Variants in SND1 observed in about 807,000 individuals in gnomAD.
SND1 encodes staphylococcal nuclease domain-containing protein 1.
SND1 carries 38 observed loss-of-function variants against 121.7 expected under a neutral mutation model. The ratio of observed to expected loss-of-function variants is 0.31; its 90% confidence interval spans 0.24 to 0.41. The LOEUF is 0.41. Ranked by LOEUF, SND1 falls within the 10% of genes least tolerant of loss-of-function variation. The pLI is 1.00. For missense variants in SND1, 868 were observed against 1,184.6 expected (o/e 0.73, Z 3.92); for synonymous variants, 401 against 447.4 (o/e 0.90, Z 1.31).
intron 16 of SND1, among the ~76,000 whole-genome samples, chr7:128,032,911 G>A (rs907055494): frequency 2.0e-5 from 3 of 152,234 alleles, no homozygotes; most frequent in African/African-American, 7.2e-5. Flanking sequence ...GATGAGCTGG[G>A]GAATGGCAAC....
In SND1 at chr7:127,730,052, C is replaced by T. The variant is rs147283223; in HGVS notation, c.1152+8652C>T. Among the ~76,000 whole-genome samples, 8 of 151,872 alleles carry T rather than the reference C, an allele frequency of 5.3e-5. No individual in the cohort carries two copies. In the South Asian group the frequency reaches 1.5e-3, roughly 28 times the overall value. ...GATCTCGGGTCACCACAGCCTCTGC[C>T]TCTGCCTCTGCCTTCAAGCGATTCT... On this transcript the variant is annotated intron_variant, in intron 10 of 23. Coordinates refer to ENST00000354725, the MANE Select transcript of SND1 (RefSeq NM_014390.4).
intron 16 of SND1, among the ~76,000 whole-genome samples, chr7:128,038,635 A>G (rs541858852): frequency 6.6e-6 from 1 of 151,276 alleles, no homozygotes; most frequent in African/African-American, 2.4e-5. Flanking sequence ...TCAATTCTTC[A>G]TTTAAGGTAT....
chr7:127,962,793 G>A (rs1563072193), intron 15 of SND1, among the ~76,000 whole-genome samples: 5 of 152,192 alleles, frequency 3.3e-5, no homozygotes, highest in Admixed American at 2.0e-4. Context: ...GTTACAGACT[G>A]TGTGAGTGGC....
intron 16 of SND1, among the ~76,000 whole-genome samples, chr7:128,039,992 G>A (rs1235776030): frequency 2.0e-5 from 3 of 152,146 alleles, no homozygotes; most frequent in Non-Finnish European, 4.4e-5. Flanking sequence ...GGCAAGGAGA[G>A]GAGCCCAGAG....
At chr7:127,990,349 T>G (rs1240223183) in intron 15 of SND1, among the ~76,000 whole-genome samples, 1 of 152,208 alleles carries the variant, frequency 6.6e-6, no homozygotes, top group African/African-American at 2.4e-5. Flanking sequence ...ATCAGTATTC[T>G]GAGGTGTTTT....
rs551736651 is a variant in SND1 at position 127,682,190 on chromosome 7, G to A, written c.79-4423G>A. Among the ~76,000 whole-genome samples, 3 of 152,296 alleles carry A rather than the reference G, an allele frequency of 2.0e-5. No individual in the cohort carries two copies. In the South Asian group the frequency reaches 6.2e-4, roughly 32 times the overall value. ...AGTGAAGATTTAATGTGGTGTTCCT[G>A]TTGCTGGGCAACATTTTAGTGGCTG... On this transcript the variant is annotated intron_variant, in intron 1 of 23. Coordinates refer to ENST00000354725, the MANE Select transcript of SND1 (RefSeq NM_014390.4).
Position 127,810,095 on chromosome 7 carries a change from TTTCAGTTATGATATA to T in SND1, c.1242+2526_1242+2540del, listed in dbSNP as rs559574018. Among the ~76,000 whole-genome samples the T allele has an allele frequency of 2.0e-3, 298 of 152,346 alleles. 1 individual carries two copies. The highest frequency in any genetic ancestry group is 3.4e-3 in the Middle Eastern group (1 of 294). ...TATAGAATCTTTCATAGCCCTACTT[TTTCAGTTATGATATA>T]TTCCTGGTTCTGAGGTTATGAGAAG... is the stretch of plus-strand genomic sequence containing the variant. On this transcript the variant is annotated intron_variant, in intron 11 of 23. Transcript: ENST00000354725.
intron 9 of SND1, among the ~76,000 whole-genome samples, chr7:127,708,964 A>T (rs916769630): frequency 5.3e-5 from 8 of 152,204 alleles, no homozygotes; most frequent in Admixed American, 2.6e-4. Context: ...ACCTCTGAGG[A>T]ACTGGCTAAA....
chr7:127,892,190 G>T (rs1363497247), intron 13 of SND1, among the ~76,000 whole-genome samples: 1 of 152,106 alleles, frequency 6.6e-6, no homozygotes, highest in East Asian at 1.9e-4. Flanking sequence ...GGTCAGCACA[G>T]CTGCCTGCCT....
intron 15 of SND1, among the ~76,000 whole-genome samples, chr7:127,968,604 T>A (rs894066172): frequency 5.3e-5 from 8 of 152,258 alleles, no homozygotes; most frequent in African/African-American, 1.9e-4. Flanking sequence ...GTTATGTTCA[T>A]ATAGTTTGCA....
chr7:127,711,772 T>A (rs1436101390), intron 9 of SND1, among the ~76,000 whole-genome samples: 2 of 152,086 alleles, frequency 1.3e-5, no homozygotes, highest in African/African-American at 4.8e-5. Flanking sequence ...TCATCTTCTA[T>A]TCTTTTTAGA....
At chr7:128,016,522 G>GT (rs2116956521) in intron 16 of SND1, among the ~76,000 whole-genome samples, 1 of 152,288 alleles carries the variant, frequency 6.6e-6, no homozygotes, top group Admixed American at 6.5e-5. Context: ...GCATGGGGCC[G>GT]TGTGGGTGGC....
chr7:128,044,610 TC>T (rs1339935371), intron 16 of SND1, among the ~76,000 whole-genome samples: 1 of 125,288 alleles, frequency 8.0e-6, no homozygotes, highest in Non-Finnish European at 1.7e-5. Flanking sequence ...CTCATCTTCT[TC>T]CCCCCTCCCA....
intron 16 of SND1, among the ~76,000 whole-genome samples, chr7:128,072,735 GA>G (rs1793433646): frequency 6.6e-6 from 1 of 152,060 alleles, no homozygotes; most frequent in African/African-American, 2.4e-5. Flanking sequence ...CCTCCCACTG[GA>G]GGAGGCGCTC....
chr7:127,974,734 A>G (rs1016423512), intron 15 of SND1, among the ~76,000 whole-genome samples: 4 of 152,206 alleles, frequency 2.6e-5, no homozygotes, highest in African/African-American at 9.6e-5. Flanking sequence ...GACAGCCTCC[A>G]TATGAAACAC....
chr7:127,751,152 G>A (rs982696693), intron 10 of SND1, among the ~76,000 whole-genome samples: 1 of 152,082 alleles, frequency 6.6e-6, no homozygotes, highest in African/African-American at 2.4e-5. Context: ...TAGGGTGTGT[G>A]TGTGTGTGTG....
intron 15 of SND1, among the ~76,000 whole-genome samples, chr7:127,937,262 A>G (rs1398442688): frequency 6.6e-6 from 1 of 152,218 alleles, no homozygotes; most frequent in Non-Finnish European, 1.5e-5. Context: ...CATGGAACTC[A>G]TAGTACAAAC....
chr7:128,009,849 G>A (rs1267452040), intron 16 of SND1, among the ~76,000 whole-genome samples: 1 of 150,820 alleles, frequency 6.6e-6, no homozygotes, highest in Non-Finnish European at 1.5e-5. Context: ...GGTCACACAC[G>A]ATGCCAAGAA....
At chr7:127,722,208 C>T (rs534111856) in intron 10 of SND1, among the ~76,000 whole-genome samples, 3 of 152,032 alleles carry the variant, frequency 2.0e-5, no homozygotes, top group Non-Finnish European at 4.4e-5. Flanking sequence ...AGAACTAGTT[C>T]CTCAGTGAGA....
Sources: gnomAD v4.1 joint callset for allele counts (sites outside exome capture counted in the v4.1 genomes callset) on GRCh38, gnomAD v4.1.1 for gene constraint, MANE v1.5 for transcripts, NCBI Gene and HGNC (gene_info 2026-07-23, HGNC 2026-07-21) for gene names.